Variants in PDE1A observed in about 807,000 individuals in gnomAD.
PDE1A encodes the protein phosphodiesterase 1A, also known as dual specificity calcium/calmodulin-dependent 3',5'-cyclic nucleotide phosphodiesterase 1A.
In PDE1A, 35 loss-of-function variants were observed where a neutral mutation model predicts 61.7. The ratio of observed to expected loss-of-function variants is 0.57; its 90% CI spans 0.43 to 0.75. The LOEUF is 0.75. Among genes scored for constraint, PDE1A ranks in the 30% least tolerant of loss-of-function variants. The probability of loss-of-function intolerance (pLI) is 0.00; values close to 1 mark genes in which losing one functional copy is unlikely to be tolerated. For synonymous variants in PDE1A, 232 were observed against 213.2 expected (o/e 1.09, Z -0.77); for missense variants, 597 against 630.6 (o/e 0.95, Z 0.57).
intron 2 of PDE1A, among the ~76,000 whole-genome samples, chr2:182,454,157 T>A (rs1685729986): frequency 6.6e-6 from 1 of 152,084 alleles, no homozygotes; most frequent in South Asian, 2.1e-4. Context: ...ATGAGTGAAC[T>A]CCCAGTCAGA....
chr2:182,630,710 G>A, the PDE1A span, among the ~76,000 whole-genome samples: 42 of 152,026 alleles, frequency 2.8e-4, no homozygotes, highest in Non-Finnish European at 4.9e-4. Context: ...ATCCAAAAAT[G>A]TATTCTAGCT....
intron 1 of PDE1A, among the ~76,000 whole-genome samples, chr2:182,343,398 A>T (rs1038645641): frequency 1.3e-5 from 2 of 152,246 alleles, no homozygotes; most frequent in African/African-American, 2.4e-5. Flanking sequence ...TACATAATTT[A>T]AATAGGAAAT....
chr2:182,610,131 C>A, the PDE1A span, among the ~76,000 whole-genome samples: 4 of 151,754 alleles, frequency 2.6e-5, no homozygotes, highest in East Asian at 1.9e-4. Flanking sequence ...GAGGAGCCAA[C>A]GAGTCTGGAC....
At chr2:182,245,669 C>A (rs1476092320) in intron 2 of PDE1A, among the ~76,000 whole-genome samples, 1 of 151,808 alleles carries the variant, frequency 6.6e-6, no homozygotes, top group Non-Finnish European at 1.5e-5. Flanking sequence ...TTCTCCATGT[C>A]TTTTCATGGC....
At chr2:182,377,602 A>G (rs1700486641) in intron 1 of PDE1A, among the ~76,000 whole-genome samples, 1 of 152,208 alleles carries the variant, frequency 6.6e-6, no homozygotes, top group Non-Finnish European at 1.5e-5. Context: ...AAATTGTATT[A>G]CAATTTTAGA....
chr2:182,342,596 T>C (rs1328947444), intron 1 of PDE1A, among the ~76,000 whole-genome samples: 1 of 152,162 alleles, frequency 6.6e-6, no homozygotes, highest in Non-Finnish European at 1.5e-5. Flanking sequence ...GGCAGGAGAA[T>C]CACTTGAACC....
intron 1 of PDE1A, among the ~76,000 whole-genome samples, chr2:182,406,848 T>C (rs1268328941): frequency 6.6e-6 from 1 of 152,060 alleles, no homozygotes; most frequent in Non-Finnish European, 1.5e-5. Context: ...AATAAATTAT[T>C]TTATTTATAC....
chr2:182,611,904 C>T, the PDE1A span, among the ~76,000 whole-genome samples: 78 of 152,168 alleles, frequency 5.1e-4, no homozygotes, highest in African/African-American at 1.8e-3. Flanking sequence ...AACTACTTTT[C>T]CCAAAACAAG....
chr2:182,442,732 T>G (rs1201507320), intron 2 of PDE1A, among the ~76,000 whole-genome samples: 1 of 152,078 alleles, frequency 6.6e-6, no homozygotes, highest in East Asian at 1.9e-4. Context: ...TTTGAAAATT[T>G]TTTTAAAACT....
intron 1 of PDE1A, among the ~76,000 whole-genome samples, chr2:182,276,388 A>G (rs1693413045): frequency 6.6e-6 from 1 of 152,116 alleles, no homozygotes; most frequent in African/African-American, 2.4e-5. Context: ...TAATACTTTT[A>G]TAATTCCTTA....
chr2:182,143,984 T>C (rs577471724), downstream of PDE1A, among the ~76,000 whole-genome samples: 1 of 152,288 alleles, frequency 6.6e-6, no homozygotes, highest in East Asian at 1.9e-4. Context: ...TCAGGTAGTG[T>C]AAATGAGTTA....
chr2:182,172,609 T>G (rs1214267483), intron 13 of PDE1A, among the ~76,000 whole-genome samples: 1 of 152,048 alleles, frequency 6.6e-6, no homozygotes, highest in Non-Finnish European at 1.5e-5. Context: ...CTCCTGCAAA[T>G]GCATTTCTCA....
the PDE1A span, among the ~76,000 whole-genome samples, chr2:182,686,483 T>C: frequency 6.6e-6 from 1 of 152,220 alleles, no homozygotes; most frequent in Non-Finnish European, 1.5e-5. Context: ...CCATTTTGCA[T>C]CCATTTTTGG....
exon 5 of PDE1A, chr2:182,231,084 A>G (rs753844401): frequency 6.2e-7 from 1 of 1,609,726 alleles, no homozygotes; most frequent in Non-Finnish European, 8.5e-7. Context: ...TATGCTCTCC[A>G]CTTGCTTCAT....
intron 13 of PDE1A, among the ~76,000 whole-genome samples, chr2:182,158,319 A>G (rs957576983): frequency 1.3e-5 from 2 of 152,232 alleles, no homozygotes; most frequent in African/African-American, 4.8e-5. Flanking sequence ...CTCATGTAAC[A>G]GGTTAACTGT....
the PDE1A span, among the ~76,000 whole-genome samples, chr2:182,650,995 TTTTTG>T: frequency 2.0e-5 from 3 of 151,906 alleles, no homozygotes; most frequent in East Asian, 1.9e-4. Flanking sequence ...GTTTTTTGGG[TTTTTG>T]TTTTGTTTTG....
downstream of PDE1A, among the ~76,000 whole-genome samples, chr2:182,167,026 C>G (rs1329061677): frequency 6.6e-6 from 1 of 152,044 alleles, no homozygotes; most frequent in Non-Finnish European, 1.5e-5. Context: ...TCAAATCCAA[C>G]AAAAACAGTA....
chr2:182,501,561 A>G (rs1264675858), intron 2 of PDE1A, among the ~76,000 whole-genome samples: 1 of 152,250 alleles, frequency 6.6e-6, no homozygotes, highest in Non-Finnish European at 1.5e-5. Context: ...TACAGAGGAA[A>G]ATAAAATCTC....
chr2:182,595,616 T>C, the PDE1A span, among the ~76,000 whole-genome samples: 1 of 152,230 alleles, frequency 6.6e-6, no homozygotes, highest in African/African-American at 2.4e-5. Flanking sequence ...GGGAACTCTA[T>C]AGCACCCATA....
Sources: gnomAD v4.1 joint callset for allele counts (sites outside exome capture counted in the v4.1 genomes callset) on GRCh38, gnomAD v4.1.1 for gene constraint, MANE v1.5 for transcripts, NCBI Gene and HGNC (gene_info 2026-07-23, HGNC 2026-07-21) for gene names.